The following DCC variants were observed in gnomAD, a reference collection of about 807,000 sequenced individuals.
DCC encodes netrin receptor DCC.
Under a neutral mutation model 172.5 loss-of-function variants are expected in DCC, and 58 were observed. That is an observed-to-expected ratio of 0.34 (90% CI 0.27 to 0.42). The LOEUF is 0.42. Ranked by LOEUF, DCC falls within the 10% of genes least tolerant of loss-of-function variation. The pLI, the probability that DCC is intolerant of heterozygous loss-of-function variation, is 1.00. For missense variants in DCC, 1,740 were observed against 1,791.0 expected (o/e 0.97, Z 0.51); for synonymous variants, 709 against 644.5 (o/e 1.10, Z -1.52).
rs78770881 is a variant in DCC, at chr18:53,335,402, A to G, written c.2165-4311A>G. On this transcript the variant is annotated intron_variant, in intron 14 of 28. Coordinates refer to ENST00000442544, the MANE Select transcript of DCC (RefSeq NM_005215.4). ...TAGTACCTAGAACTACAACTAGTATATAGGAGATGCATAGTAGTTGTTGAA... is the reference window on the plus strand; with the variant it reads ...TAGTACCTAGAACTACAACTAGTATGTAGGAGATGCATAGTAGTTGTTGAA... Among the ~76,000 whole-genome samples the G allele has an allele frequency of 1.6e-4, 25 of 152,304 alleles. No individual in the cohort carries two copies. The East Asian group carries it at 4.8e-3, about 29-fold the overall frequency.
intron 5 of DCC, among the ~76,000 whole-genome samples, chr18:53,050,400 T>C (rs1196158927): frequency 6.6e-6 from 1 of 152,142 alleles, no homozygotes; most frequent in Non-Finnish European, 1.5e-5. Context: ...ATTCTTCCTA[T>C]CCGTGACCAT....
At chr18:52,402,951 C>A (rs1986496195) in intron 1 of DCC, among the ~76,000 whole-genome samples, 1 of 151,910 alleles carries the variant, frequency 6.6e-6, no homozygotes, top group African/African-American at 2.4e-5. Context: ...TTCAAGTGTG[C>A]CTGGAGCAAA....
chr18:53,392,268 G>T (rs1044568574), intron 17 of DCC, among the ~76,000 whole-genome samples: 1 of 151,302 alleles, frequency 6.6e-6, no homozygotes, highest in Non-Finnish European at 1.5e-5. Context: ...TTTACAAAGC[G>T]ACCCTATTAA....
intron 9 of DCC, among the ~76,000 whole-genome samples, chr18:53,184,313 G>A (rs1455165541): frequency 1.3e-5 from 2 of 152,068 alleles, no homozygotes; most frequent in East Asian, 3.9e-4. Flanking sequence ...ATGTATCACA[G>A]CATTGCCATT....
chr18:52,700,495 C>T (rs1392129071), intron 1 of DCC, among the ~76,000 whole-genome samples: 1 of 152,194 alleles, frequency 6.6e-6, no homozygotes, highest in Non-Finnish European at 1.5e-5. Context: ...GTAGTCTCAC[C>T]TTCACTTTCT....
At chr18:52,461,645 T>A (rs994046029) in intron 1 of DCC, among the ~76,000 whole-genome samples, 12 of 152,214 alleles carry the variant, frequency 7.9e-5, no homozygotes, top group African/African-American at 2.7e-4. Context: ...TCAGTTCTTG[T>A]ATAACCTTAT....
chr18:53,022,439 TA>T (rs1400871821), intron 5 of DCC, among the ~76,000 whole-genome samples: 1 of 151,994 alleles, frequency 6.6e-6, no homozygotes, highest in Non-Finnish European at 1.5e-5. Flanking sequence ...GCAAAGTAGT[TA>T]AAACAATGGC....
intron 5 of DCC, among the ~76,000 whole-genome samples, chr18:52,999,048 T>C (rs930313775): frequency 2.0e-5 from 3 of 152,104 alleles, no homozygotes; most frequent in African/African-American, 7.2e-5. Flanking sequence ...TATTTGGGGC[T>C]ATGGACACAG....
chr18:52,886,964 C>T (rs1022532279), intron 2 of DCC, among the ~76,000 whole-genome samples: 1 of 152,078 alleles, frequency 6.6e-6, no homozygotes, highest in African/African-American at 2.4e-5. Context: ...TGCCCTTTAG[C>T]TATAGTTTGC....
At chr18:52,408,196 C>G (rs780216423) in intron 1 of DCC, among the ~76,000 whole-genome samples, 2 of 152,008 alleles carry the variant, frequency 1.3e-5, no homozygotes, top group Non-Finnish European at 2.9e-5. Flanking sequence ...AAATAATATA[C>G]TAGTATGAGA....
At chr18:52,776,503 G>T (rs1337405996) in intron 2 of DCC, among the ~76,000 whole-genome samples, 1 of 152,026 alleles carries the variant, frequency 6.6e-6, no homozygotes, top group African/African-American at 2.4e-5. Context: ...AGAGTATCCG[G>T]GTAGCAAGAA....
At position 53,086,280 on chromosome 18, in the gene DCC, TTC is replaced by T. The variant is rs2042895534; in HGVS notation, c.1261+20116_1261+20117del. On this transcript the variant is annotated intron_variant, in intron 7 of 28. Coordinates refer to ENST00000442544, the MANE Select transcript of DCC (RefSeq NM_005215.4). ...TCTTCTTCTTCTTCTTCTTCCTTTC[TTC>T]TTCTTCTTCTTCTTCCTTTCTTCTT... is the stretch of plus-strand genomic sequence containing the variant. 7.6e-5 allele frequency among the ~76,000 whole-genome samples: 3 copies of T among 39,412 alleles called. 1 individual carries two copies. The highest frequency in any genetic ancestry group is 1.4e-4 in the Non-Finnish European group (3 of 21,036). The allele number at this position is 39,412 out of a possible 152,430, so 25.9% of individuals were successfully genotyped here. A position where few individuals can be genotyped will look rare whatever the true frequency, so the allele number is the denominator to read the frequency against.
At chr18:53,253,911 T>A (rs1463877832) in intron 12 of DCC, among the ~76,000 whole-genome samples, 1 of 152,066 alleles carries the variant, frequency 6.6e-6, no homozygotes, top group Admixed American at 6.6e-5. Context: ...TGATGCTTCA[T>A]CTGGAACAGG....
chr18:53,034,200 A>G (rs551643752), intron 5 of DCC, among the ~76,000 whole-genome samples: 23 of 152,180 alleles, frequency 1.5e-4, no homozygotes, highest in Non-Finnish European at 2.6e-4. Flanking sequence ...CTTTAGAGTC[A>G]TATACACTCT....
chr18:52,708,948 T>C (rs576967431), intron 1 of DCC, among the ~76,000 whole-genome samples: 2 of 152,300 alleles, frequency 1.3e-5, no homozygotes, highest in South Asian at 4.1e-4. Context: ...GATCCCCTTG[T>C]CCACTGGTAT....
intron 1 of DCC, among the ~76,000 whole-genome samples, chr18:52,684,269 A>G (rs1014503234): frequency 2.6e-5 from 4 of 152,144 alleles, no homozygotes; most frequent in African/African-American, 9.7e-5. Flanking sequence ...GAAGCAGTGA[A>G]TAAGTCGTGG....
intron 2 of DCC, among the ~76,000 whole-genome samples, chr18:52,882,281 G>T (rs1027041698): frequency 1.3e-5 from 2 of 149,914 alleles, no homozygotes; most frequent in Non-Finnish European, 3.0e-5. Context: ...TTCTTTATAG[G>T]GATCCTTTAG....
chr18:52,694,085 A>T (rs2035972933), intron 1 of DCC, among the ~76,000 whole-genome samples: 1 of 152,094 alleles, frequency 6.6e-6, no homozygotes, highest in South Asian at 2.1e-4. Flanking sequence ...TGTTAATAGC[A>T]TGTCCCCCAG....
intron 7 of DCC, among the ~76,000 whole-genome samples, chr18:53,066,425 G>GTGTA (rs879277575): frequency 7.5e-6 from 1 of 133,896 alleles, no homozygotes; most frequent in African/African-American, 2.7e-5. Flanking sequence ...GTGTGTTTGT[G>GTGTA]TATATATATA....
Sources: gnomAD v4.1 joint callset for allele counts (sites outside exome capture counted in the v4.1 genomes callset) on GRCh38, gnomAD v4.1.1 for gene constraint, MANE v1.5 for transcripts, NCBI Gene and HGNC (gene_info 2026-07-23, HGNC 2026-07-21) for gene names.